MAGI2: variants seen among roughly 807,000 people sequenced by gnomAD.
The protein encoded by MAGI2 is membrane-associated guanylate kinase, WW and PDZ domain-containing protein 2.
Under a neutral mutation model 133.3 loss-of-function variants are expected in MAGI2, and 35 were observed. The ratio of observed to expected loss-of-function variants is 0.26; its 90% CI spans 0.20 to 0.35. MAGI2 has a LOEUF of 0.35. Ranked by LOEUF, MAGI2 falls within the 10% of genes least tolerant of loss-of-function variation. The pLI is 1.00. For synonymous variants in MAGI2, 729 were observed against 710.6 expected (o/e 1.03, Z -0.41); for missense variants, 1,636 against 1,863.4 (o/e 0.88, Z 2.25).
chr7:78,285,487 G>T (rs1485167395), intron 9 of MAGI2, among the ~76,000 whole-genome samples: 1 of 152,094 alleles, frequency 6.6e-6, no homozygotes, highest in Non-Finnish European at 1.5e-5. Flanking sequence ...GCCAGGCATT[G>T]TGTGAAACCC....
intron 2 of MAGI2, among the ~76,000 whole-genome samples, chr7:78,990,224 C>T (rs1302965417): frequency 1.3e-5 from 2 of 151,950 alleles, no homozygotes; most frequent in African/African-American, 2.4e-5. Context: ...TTACTAAGGC[C>T]ACCTCATTAG....
At chr7:79,186,685 G>T (rs921764438) in intron 1 of MAGI2, among the ~76,000 whole-genome samples, 1 of 132,304 alleles carries the variant, frequency 7.6e-6, no homozygotes, top group Non-Finnish European at 1.5e-5. Context: ...TTTTATACGA[G>T]TATATATATT....
chr7:78,246,228 C>T (rs1791764871), intron 10 of MAGI2, among the ~76,000 whole-genome samples: 1 of 152,172 alleles, frequency 6.6e-6, no homozygotes. Flanking sequence ...GCCCAGCATC[C>T]TGGGGAAACA....
At chr7:78,076,043 G>A (rs75223953) in intron 21 of MAGI2, among the ~76,000 whole-genome samples, 2,028 of 152,270 alleles carry the variant, frequency 0.013, 31 homozygotes, top group African/African-American at 0.034. Context: ...AATATCAAAA[G>A]TAGCAGACAA....
Position 78,019,572 on chromosome 7 carries a change from C to A in MAGI2, c.4111G>T (p.Ala1371Ser). 1 of 980,596 alleles carries A rather than the reference C, an allele frequency of 1.0e-6. No individual in the cohort carries two copies. The allele number at this position is 980,596 out of a possible 1,614,324, so 60.7% of individuals were successfully genotyped here. A position where few individuals can be genotyped will look rare whatever the true frequency, so the allele number is the denominator to read the frequency against. The change falls in exon 22 of 22, where the codon GCG (alanine) becomes TCG (serine). Residue 1371 changes from alanine to serine, a missense_variant. By Grantham distance (99) the Ala-to-Ser change is moderately conservative (BLOSUM62 1). Around this residue, in one of 5 missense-constraint regions of MAGI2, gnomAD observed 354 missense variants for 298.7 expected, o/e 1.19. Transcript: ENST00000354212. ...CGGCAGAGCTCGGAGCCCGCCGCCG[C>A]ACGGGGCGCCTCCTTCCCGCCCGCC... Reference protein sequence around the residue: ...ARAGGKEAPRAAAGSELCRRE... With the variant: ...ARAGGKEAPRSAAGSELCRRE...
chr7:78,784,229 G>A (rs1334563638), intron 2 of MAGI2, among the ~76,000 whole-genome samples: 2 of 147,502 alleles, frequency 1.4e-5, no homozygotes, highest in Non-Finnish European at 3.0e-5. Context: ...TACTAATGTT[G>A]GGGCTCAGGA....
chr7:79,094,677 T>G (rs1025996405), intron 1 of MAGI2, among the ~76,000 whole-genome samples: 1 of 152,226 alleles, frequency 6.6e-6, no homozygotes, highest in Non-Finnish European at 1.5e-5. Flanking sequence ...GAATAGATGT[T>G]ATGTTAGCTG....
At chr7:79,180,421 T>G (rs1328549376) in intron 1 of MAGI2, among the ~76,000 whole-genome samples, 1 of 151,974 alleles carries the variant, frequency 6.6e-6, no homozygotes. Context: ...TCACATCTTA[T>G]GTGGATGGCA....
At chr7:78,585,306 G>A (rs1290582987) in intron 3 of MAGI2, among the ~76,000 whole-genome samples, 1 of 152,030 alleles carries the variant, frequency 6.6e-6, no homozygotes, top group African/African-American at 2.4e-5. Context: ...CTTCACTTTG[G>A]TACTCATCTT....
Position 78,182,210 on chromosome 7 carries a change from A to T in MAGI2, c.2311+3419T>A, listed in dbSNP as rs965289336. ...TGTAAAGAGATCTAGGAAAGTTAGC[A>T]TGAGGAAGATATCAGGAATCAAAAA... On this transcript the variant is annotated intron_variant, in intron 13 of 21. Coordinates refer to ENST00000354212, the MANE Select transcript of MAGI2 (RefSeq NM_012301.4). Among the ~76,000 whole-genome samples the T allele has an allele frequency of 2.0e-5, 3 of 152,194 alleles. No homozygotes were observed. The East Asian group carries it at 5.8e-4, about 29-fold the overall frequency.
At chr7:78,588,186 C>T (rs1274876472) in intron 3 of MAGI2, among the ~76,000 whole-genome samples, 8 of 152,224 alleles carry the variant, frequency 5.3e-5, no homozygotes, top group Admixed American at 3.3e-4. Context: ...TTTCTCTCCA[C>T]CCGACACTTT....
At chr7:78,074,887 G>A (rs757667792) in intron 21 of MAGI2, among the ~76,000 whole-genome samples, 5 of 152,142 alleles carry the variant, frequency 3.3e-5, no homozygotes, top group Non-Finnish European at 7.4e-5. Context: ...TGCTTCTGGC[G>A]CAGAAAAGGT....
At chr7:78,673,230 C>T (rs1031606689) in intron 2 of MAGI2, among the ~76,000 whole-genome samples, 1 of 151,760 alleles carries the variant, frequency 6.6e-6, no homozygotes, top group African/African-American at 2.4e-5. Flanking sequence ...CACTGTTATT[C>T]ATTAAGATTC....
At chr7:78,675,757 G>A (rs1360050848) in intron 2 of MAGI2, among the ~76,000 whole-genome samples, 3 of 152,108 alleles carry the variant, frequency 2.0e-5, no homozygotes, top group African/African-American at 7.2e-5. Context: ...TCAGTAGGTT[G>A]TAAACAATCC....
At chr7:78,907,784 C>A (rs1375735427) in intron 2 of MAGI2, among the ~76,000 whole-genome samples, 1 of 152,014 alleles carries the variant, frequency 6.6e-6, no homozygotes, top group Admixed American at 6.6e-5. Context: ...GAGAGATAAA[C>A]CGTGTCTAAT....
intron 6 of MAGI2, among the ~76,000 whole-genome samples, chr7:78,410,750 A>C (rs1583965253): frequency 1.3e-5 from 2 of 152,040 alleles, no homozygotes; most frequent in South Asian, 4.1e-4. Context: ...GGGAAAAAAA[A>C]GCAAGTGAAG....
intron 2 of MAGI2, among the ~76,000 whole-genome samples, chr7:78,719,711 G>T (rs552116685): frequency 2.6e-5 from 4 of 152,178 alleles, no homozygotes; most frequent in Non-Finnish European, 1.5e-5. Flanking sequence ...ACCAAAGCAG[G>T]TGTTTGACAT....
At chr7:78,064,208 T>C (rs10267831) in intron 21 of MAGI2, among the ~76,000 whole-genome samples, 78,250 of 151,596 alleles carry the variant, frequency 0.52, 20,628 homozygotes, top group East Asian at 0.7. Context: ...CCTTTATGCC[T>C]TAACTTAGCT....
intron 10 of MAGI2, among the ~76,000 whole-genome samples, chr7:78,235,810 A>C (rs1264973213): frequency 1.3e-5 from 2 of 152,134 alleles, no homozygotes; most frequent in Non-Finnish European, 2.9e-5. Flanking sequence ...GATTGTAACT[A>C]AGCCTGTGAA....
Sources: gnomAD v4.1 joint callset for allele counts (sites outside exome capture counted in the v4.1 genomes callset) on GRCh38, gnomAD v4.1.1 for gene constraint, gnomAD v4.1.1 regional missense constraint, MANE v1.5 for transcripts, NCBI Gene and HGNC (gene_info 2026-07-23, HGNC 2026-07-21) for gene names.